Variants in METTL24 observed in about 807,000 individuals in gnomAD.
METTL24 encodes methyltransferase like 24.
Under a neutral mutation model 32.7 loss-of-function variants are expected in METTL24, and 29 were observed. The ratio of observed to expected loss-of-function variants is 0.89; its 90% CI spans 0.66 to 1.21. The LOEUF (loss-of-function observed/expected upper bound fraction) is 1.21. Among genes scored for constraint, METTL24 ranks in the 50% most tolerant of loss-of-function variants. METTL24 has a pLI of 0.00. For synonymous variants in METTL24, 163 were observed against 179.5 expected (o/e 0.91, Z 0.73); for missense variants, 439 against 468.1 (o/e 0.94, Z 0.57).
At chr6:110,353,547 C>CTTT (rs75803780) in intron 1 of METTL24, among the ~76,000 whole-genome samples, 7 of 104,048 alleles carry the variant, frequency 6.7e-5, no homozygotes, top group South Asian at 3.1e-4. Context: ...GGAAACAGTT[C>CTTT]TTTTTTTTTT....
chr6:110,301,893 T>C (rs17071421), intron 3 of METTL24, among the ~76,000 whole-genome samples: 3,376 of 152,294 alleles, frequency 0.022, 121 homozygotes, highest in African/African-American at 0.078. Context: ...AAAGGAATTT[T>C]CACTTAATTA....
intron 4 of METTL24, among the ~76,000 whole-genome samples, chr6:110,282,304 C>A (rs980280559): frequency 6.6e-6 from 1 of 152,146 alleles, no homozygotes; most frequent in African/African-American, 2.4e-5. Flanking sequence ...ATCATCCATA[C>A]CATGATACTT....
At position 110,244,756 on chromosome 6, in the gene METTL24, A is replaced by G. The variant is rs1173364497; in HGVS notation, c.*1190T>C. Among the ~76,000 whole-genome samples, 3 of 152,182 alleles carry G rather than the reference A, an allele frequency of 2.0e-5. No homozygotes were observed. The highest frequency in any genetic ancestry group is 4.8e-5 in the African/African-American group (2 of 41,450). ...CCCCATGATTCAATTACCTCTCACC[A>G]GGTCCCTCCCACAACACGTGGGGAT... On this transcript the variant is annotated 3_prime_UTR_variant, in exon 5 of 5. Coordinates refer to ENST00000338882, the MANE Select transcript of METTL24 (RefSeq NM_001123364.3).
At chr6:110,250,714 A>G (rs551095625) in intron 4 of METTL24, among the ~76,000 whole-genome samples, 2 of 152,316 alleles carry the variant, frequency 1.3e-5, no homozygotes, top group South Asian at 4.1e-4. Context: ...ATAAGTCCTT[A>G]CATCAGCCAA....
chr6:110,298,202 G>C (rs1771455175), intron 4 of METTL24, among the ~76,000 whole-genome samples: 1 of 152,154 alleles, frequency 6.6e-6, no homozygotes, highest in Non-Finnish European at 1.5e-5. Flanking sequence ...CCCAAGAAAG[G>C]CTGAAGATCA....
rs74948332 is a variant in METTL24 at position 110,297,871 on chromosome 6, C to A, written c.786+1051G>T. Among the ~76,000 whole-genome samples, 177 of 152,122 alleles carry A rather than the reference C, an allele frequency of 1.2e-3. No individual in the cohort carries two copies. In the East Asian group the frequency reaches 0.032, roughly 27 times the overall value. ...AGTTAATTGCGTGTTAAAAGAACAG[C>A]AAATTCTTTGAAGTTGTTCTTGAAG... On this transcript the variant is annotated intron_variant, in intron 4 of 4. Coordinates refer to ENST00000338882, the MANE Select transcript of METTL24 (RefSeq NM_001123364.3).
chr6:110,255,335 A>G (rs1457601681), intron 4 of METTL24, among the ~76,000 whole-genome samples: 1 of 152,162 alleles, frequency 6.6e-6, no homozygotes, highest in Admixed American at 6.5e-5. Context: ...GCTGAGCAAG[A>G]ATCTCCTGAG....
At chr6:110,263,992 A>G (rs1770805046) in intron 4 of METTL24, among the ~76,000 whole-genome samples, 1 of 152,234 alleles carries the variant, frequency 6.6e-6, no homozygotes, top group South Asian at 2.1e-4. Flanking sequence ...AAAGACTTAA[A>G]GGTTAGACCT....
chr6:110,333,832 A>G lies in METTL24; in HGVS notation c.319-10960T>C, dbSNP rs529750420. Among the ~76,000 whole-genome samples the G allele has an allele frequency of 4.6e-4, 70 of 152,314 alleles. 1 individual carries two copies. The highest frequency in any genetic ancestry group is 3.3e-4 in the Admixed American group (5 of 15,298). On this transcript the variant is annotated intron_variant, in intron 1 of 4. Coordinates refer to ENST00000338882, the MANE Select transcript of METTL24 (RefSeq NM_001123364.3). ...ATAAACTTTTCCCTTCAATAGTTATATTTCTTGATAACTGACACACTTAAG... is the reference window on the plus strand; with the variant it reads ...ATAAACTTTTCCCTTCAATAGTTATGTTTCTTGATAACTGACACACTTAAG...
chr6:110,356,046 C>A (rs1772690483), intron 1 of METTL24, among the ~76,000 whole-genome samples: 1 of 152,182 alleles, frequency 6.6e-6, no homozygotes, highest in Admixed American at 6.5e-5. Flanking sequence ...ACAACAGATG[C>A]TGAGTGAATC....
intron 1 of METTL24, among the ~76,000 whole-genome samples, chr6:110,345,693 G>C (rs181551162): frequency 1.3e-5 from 2 of 152,110 alleles, no homozygotes; most frequent in African/African-American, 2.4e-5. Flanking sequence ...ACCAAATACC[G>C]TATATTCTCA....
intron 4 of METTL24, among the ~76,000 whole-genome samples, chr6:110,273,235 T>G (rs1390685011): frequency 6.6e-6 from 1 of 152,202 alleles, no homozygotes; most frequent in Non-Finnish European, 1.5e-5. Flanking sequence ...CTTTCCCTAC[T>G]TTATGCTTTT....
At chr6:110,340,806 C>T (rs68136775) in intron 1 of METTL24, among the ~76,000 whole-genome samples, 5 of 152,138 alleles carry the variant, frequency 3.3e-5, no homozygotes, top group African/African-American at 7.2e-5. Context: ...AGCATTCCCC[C>T]GTACACAGCC....
intron 3 of METTL24, 101 bp from the exon 4 acceptor site, chr6:110,299,251 C>T: frequency 1.0e-6 from 1 of 1,001,964 alleles, no homozygotes; most frequent in Non-Finnish European, 1.5e-6. Flanking sequence ...TTAGTTATAT[C>T]AAGCCTTCTC....
intron 3 of METTL24, among the ~76,000 whole-genome samples, chr6:110,311,660 A>T (rs187392919): frequency 2.6e-5 from 4 of 151,034 alleles, no homozygotes; most frequent in Admixed American, 2.0e-4. Context: ...TTTTAGTAGA[A>T]ACAGGGTTTC....
chr6:110,285,862 A>C (rs77225285), intron 4 of METTL24, among the ~76,000 whole-genome samples: 2 of 152,176 alleles, frequency 1.3e-5, no homozygotes, highest in Middle Eastern at 3.4e-3. Flanking sequence ...AGACAAGTAC[A>C]CCCACTTCTT....
intron 1 of METTL24, among the ~76,000 whole-genome samples, chr6:110,338,994 T>G (rs1473188718): frequency 6.6e-6 from 1 of 152,204 alleles, no homozygotes; most frequent in Non-Finnish European, 1.5e-5. Context: ...AGAGATAACC[T>G]CCTGGTCATA....
Position 110,299,027 on chromosome 6 carries a change from G to A in METTL24, c.681C>T (p.Arg227=). 1.2e-6 allele frequency: 2 copies of A among 1,614,194 alleles called. No homozygotes were observed. The highest frequency in any genetic ancestry group is 1.7e-6 in the Non-Finnish European group (2 of 1,180,028). ...ILESQHLWYH[R]LSIDWRDPHP... is the part of the protein sequence containing the mutation. ...GGGGATCCCGCCAGTCAATGGACAA[G>A]CGGTGATACCAAAGGTGCTGACTCT... Residue 227 remains arginine, a synonymous_variant, in exon 4 of 5, where the codon CGC becomes CGT. Transcript: ENST00000338882.
rs1778146072 is a variant in METTL24 at position 110,245,839 on chromosome 6, G to C, written c.*107C>G. On this transcript the variant is annotated 3_prime_UTR_variant, in exon 5 of 5. Transcript: ENST00000338882. ...CGCAATAACACACTCCCTGCCTCAA[G>C]CAGGGCACAGGCTAGCAGGAGACTG... 1 of 1,150,682 alleles carries C rather than the reference G, an allele frequency of 8.7e-7. No homozygotes were observed. The highest frequency in any genetic ancestry group is 2.4e-5 in the East Asian group (1 of 42,492). The allele number at this position is 1,150,682 out of a possible 1,614,324, so 71.3% of individuals were successfully genotyped here. A position where few individuals can be genotyped will look rare whatever the true frequency, so the allele number is the denominator to read the frequency against.
Sources: allele counts gnomAD v4.1 joint callset (sites outside exome capture counted in the v4.1 genomes callset), GRCh38; gene constraint gnomAD v4.1.1; transcripts MANE v1.5; gene names NCBI Gene and HGNC (gene_info 2026-07-23, HGNC 2026-07-21).